Variants in APPL2 observed in about 807,000 individuals in gnomAD.
APPL2 encodes adaptor protein, phosphotyrosine interacting with PH domain and leucine zipper 2.
A neutral mutation model predicts 92.7 loss-of-function variants in APPL2; 84 were observed. The ratio of observed to expected loss-of-function variants is 0.91; its 90% confidence interval spans 0.76 to 1.09. The LOEUF is 1.09. Ranked by LOEUF, APPL2 falls within the 50% of genes least tolerant of loss-of-function variation. The pLI, the probability that APPL2 is intolerant of heterozygous loss-of-function variation, is 0.00. For synonymous variants in APPL2, 291 were observed against 291.0 expected, an observed-to-expected ratio of 1.00 and a Z score of 0.00; for missense variants, 736 against 824.5, an observed-to-expected ratio of 0.89 and a Z score of 1.31.
At chr12:105,213,795 C>T (rs369229653) in intron 4 of APPL2, among the ~76,000 whole-genome samples, 1 of 152,196 alleles carries the variant, frequency 6.6e-6, no homozygotes, top group Non-Finnish European at 1.5e-5. Context: ...CCCACCTGGG[C>T]TAACTGCTAT....
chr12:105,207,061 C>T lies in APPL2; in HGVS notation c.621G>A (p.Gln207=). ...MEPMIGFAHG[Q]INFFKKGAEM... ...AGCCCTCAGGGAGGGACTCCCCTACCTGTCCATGGGCAAAGCCTATCATGG... is the reference window on the plus strand; with the variant it reads ...AGCCCTCAGGGAGGGACTCCCCTACTTGTCCATGGGCAAAGCCTATCATGG... Residue 207 remains glutamine, a splice_region_variant and synonymous_variant, in exon 8 of 21, where the codon CAG becomes CAA. Transcript: ENST00000258530. 1 of 1,613,226 alleles carries T rather than the reference C, an allele frequency of 6.2e-7. No homozygotes were observed. The highest frequency in any genetic ancestry group is 8.5e-7 in the Non-Finnish European group (1 of 1,179,716).
In APPL2 at chr12:105,208,192, G is replaced by C. The variant is rs1339462378; in HGVS notation, c.381C>G (p.Ser127Arg). 13 of 1,614,080 alleles carry C rather than the reference G, an allele frequency of 8.1e-6. No homozygotes were observed. The highest frequency in any genetic ancestry group is 1.1e-5 in the Non-Finnish European group (13 of 1,180,042). ...QFREKDLTEV[S>R]TLKDLFGLAS... ...CGAGTCCAAATAGATCCTTTAAAGTGCTTACTTCTGAAAAGGAGAAAAGGG... is the reference window on the plus strand; with the variant it reads ...CGAGTCCAAATAGATCCTTTAAAGTCCTTACTTCTGAAAAGGAGAAAAGGG... Residue 127 changes from serine (S) to arginine (R), a missense_variant, in exon 6 of 21, where the codon AGC becomes AGG. Physicochemically the swap from Ser to Arg is moderately radical, Grantham distance 110. Transcript: ENST00000258530.
At chr12:105,197,993 G>C in intron 10 of APPL2, 40 bp from the exon 11 acceptor site, 1 of 1,588,830 alleles carries the variant, frequency 6.3e-7, no homozygotes. Context: ...GTACCAGAAA[G>C]CACCAGCGGC....
At chr12:105,230,781 C>T (rs992312220) in intron 1 of APPL2, among the ~76,000 whole-genome samples, 15 of 152,130 alleles carry the variant, frequency 9.9e-5, no homozygotes, top group Middle Eastern at 3.2e-3. Context: ...CCCAGTCTTC[C>T]GGGCTAAAAA....
chr12:105,209,722 A>C (rs192506238), intron 5 of APPL2, among the ~76,000 whole-genome samples: 14 of 152,366 alleles, frequency 9.2e-5, no homozygotes, highest in African/African-American at 2.9e-4. Flanking sequence ...TGAGGCAAGC[A>C]TGTTTTAGCT....
intron 14 of APPL2, among the ~76,000 whole-genome samples, chr12:105,191,666 C>T (rs1038029692): frequency 4.6e-5 from 7 of 152,174 alleles, no homozygotes; most frequent in Non-Finnish European, 1.0e-4. Flanking sequence ...TGTTAAGTTT[C>T]ACCTGTACAG....
At chr12:105,208,057 C>A in intron 6 of APPL2, 28 bp from the exon 7 acceptor site, 1 of 1,613,996 alleles carries the variant, frequency 6.2e-7, no homozygotes, top group Non-Finnish European at 8.5e-7. Context: ...TCTGAACACC[C>A]AGGAGGGTCA....
At position 105,199,333 on chromosome 12, in the gene APPL2, A is replaced by T. The variant is rs756375012; in HGVS notation, c.863+40T>A. 2.8e-5 allele frequency: 44 copies of T among 1,594,098 alleles called. No individual in the cohort carries two copies. The East Asian group carries it at 9.7e-4, about 35-fold the overall frequency. On this transcript the variant is annotated intron_variant, in intron 10 of 20. Transcript: ENST00000258530. The stretch of plus-strand genomic sequence containing the variant: ...TGCTTTTCAGCCACCTCTTAGGGAA[A>T]ACGGATTTCAGAAAAAGAGGCAGAC...
Position 105,195,273 on chromosome 12 carries a change from C to G in APPL2, c.1229G>C (p.Ser410Thr), listed in dbSNP as rs144982082. 2.6e-5 allele frequency: 42 copies of G among 1,614,176 alleles called. No homozygotes were observed. In the African/African-American group the frequency reaches 5.3e-4, roughly 20 times the overall value. The change falls in exon 14 of 21, where the codon AGC becomes ACC. Residue 410 changes from serine to threonine, a missense_variant. Transcript: ENST00000258530. ...GTCCTTTAGTTACCTGGGGCATGAG[C>G]TTTCTTGTTTTTTTCCAAAACTTGT... Reference protein sequence around the residue: ...PITSFGKKQESSCPSQNLKNS... With the variant: ...PITSFGKKQETSCPSQNLKNS...
At chr12:105,211,027 A>G (rs1889166585) in intron 5 of APPL2, among the ~76,000 whole-genome samples, 1 of 152,164 alleles carries the variant, frequency 6.6e-6, no homozygotes, top group East Asian at 1.9e-4. Flanking sequence ...CTGTTTCCAC[A>G]CCTGTCTTCT....
chr12:105,176,866 A>T lies in APPL2; in HGVS notation c.1812+10T>A. ...TGGGATATTATGGGATCTTCACATG[A>T]AAAAGAGACCTTTTCGCCTTCTGAG... On this transcript the variant is annotated intron_variant, in intron 19 of 20. Coordinates refer to ENST00000258530, the MANE Select transcript of APPL2 (RefSeq NM_018171.5). 3.1e-6 allele frequency: 5 copies of T among 1,612,794 alleles called. No individual in the cohort carries two copies. The highest frequency in any genetic ancestry group is 4.2e-6 in the Non-Finnish European group (5 of 1,179,572).
At chr12:105,186,477 T>A (rs917629768) in intron 17 of APPL2, among the ~76,000 whole-genome samples, 2 of 152,008 alleles carry the variant, frequency 1.3e-5, no homozygotes, top group African/African-American at 4.8e-5. Context: ...CACCTGTATT[T>A]AATTCTTTTG....
intron 1 of APPL2, chr12:105,235,239 A>C (rs1428848834): frequency 2.0e-5 from 3 of 152,204 alleles, no homozygotes; most frequent in Non-Finnish European, 4.4e-5. Context: ...TTATGAACTA[A>C]TGTCATCCTG....
At chr12:105,177,111 T>G (rs1885620511) in intron 18 of APPL2, 95 bp from the exon 19 acceptor site, 2 of 1,593,410 alleles carry the variant, frequency 1.3e-6, no homozygotes, top group African/African-American at 1.3e-5. Flanking sequence ...AAAAGTATCC[T>G]ATTAGTCCTA....
chr12:105,174,876 T>TGGGGGGG (rs59473626), intron 20 of APPL2, among the ~76,000 whole-genome samples: 13 of 89,002 alleles, frequency 1.5e-4, no homozygotes, highest in East Asian at 3.8e-4. Context: ...TTTTTTTTGG[T>TGGGGGGG]GGGGGGGGGG....
Position 105,199,392 on chromosome 12 carries a change from C to T in APPL2, c.844G>A (p.Gly282Ser). ...QINRNLIQKA[G>S]YLNLRNKTGL... ...TCTCACTTTCTAAGATTAAGGTAACCAGCCTTCTGGATGAGGTTCCTGTTG... is the reference window on the plus strand; with the variant it reads ...TCTCACTTTCTAAGATTAAGGTAACTAGCCTTCTGGATGAGGTTCCTGTTG... The change falls in exon 10 of 21, where the codon GGT (glycine) becomes AGT (serine). Residue 282 changes from glycine to serine, a missense_variant. Coordinates refer to ENST00000258530, the MANE Select transcript of APPL2 (RefSeq NM_018171.5). 4 of 1,613,022 alleles carry T rather than the reference C, an allele frequency of 2.5e-6. No individual in the cohort carries two copies. Among genetic ancestry groups the T allele is most frequent in the Non-Finnish European group, 2.5e-6 (3 of 1,179,472 alleles).
intron 14 of APPL2, among the ~76,000 whole-genome samples, chr12:105,192,847 GATAA>G (rs1188020183): frequency 2.0e-5 from 3 of 152,334 alleles, no homozygotes; most frequent in Admixed American, 6.5e-5. Flanking sequence ...TGAGTAGCTA[GATAA>G]ATGAATGAAC....
chr12:105,200,864 G>GTATCTATCTATCTATCTATC, intron 9 of APPL2, among the ~76,000 whole-genome samples: 1 of 135,066 alleles, frequency 7.4e-6, no homozygotes, highest in South Asian at 2.3e-4. Flanking sequence ...ATGTATGTAT[G>GTATCTATCTATCTATCTATC]TATCTATCTA....
intron 2 of APPL2, among the ~76,000 whole-genome samples, chr12:105,218,931 A>C (rs948740930): frequency 6.6e-6 from 1 of 152,138 alleles, no homozygotes; most frequent in Non-Finnish European, 1.5e-5. Flanking sequence ...TTATTCCTCT[A>C]ATCTCTGGCT....
Sources: gnomAD v4.1 joint callset for allele counts (sites outside exome capture counted in the v4.1 genomes callset) on GRCh38, gnomAD v4.1.1 for gene constraint, MANE v1.5 for transcripts, NCBI Gene and HGNC (gene_info 2026-07-23, HGNC 2026-07-21) for gene names.